Variants in PHEX observed in about 807,000 individuals in gnomAD.
PHEX encodes phosphate-regulating neutral endopeptidase PHEX.
PHEX carries 16 observed loss-of-function variants against 68.0 expected under a neutral mutation model. That is an observed-to-expected ratio of 0.24 (90% CI 0.16 to 0.36). PHEX has a LOEUF of 0.36. PHEX is among the 10% of genes least tolerant of loss of function. The probability of loss-of-function intolerance (pLI) is 1.00; values close to 1 mark genes in which losing one functional copy is unlikely to be tolerated. For missense variants in PHEX, 480 were observed against 575.5 expected, an observed-to-expected ratio of 0.83 and a Z score of 1.70; for synonymous variants, 208 against 205.1, an observed-to-expected ratio of 1.01 and a Z score of -0.12.
chrX:22,055,460 A>C (rs1258173991), intron 3 of PHEX, among the ~76,000 whole-genome samples: 1 of 111,257 alleles, frequency 9.0e-6, no homozygotes, highest in Non-Finnish European at 1.9e-5. Flanking sequence ...TATCTCTAGG[A>C]TATGTTCTCT....
At chrX:22,233,855 C>T (rs1323082039) in intron 20 of PHEX, among the ~76,000 whole-genome samples, 1 of 111,927 alleles carries the variant, frequency 8.9e-6, no homozygotes, top group Non-Finnish European at 1.9e-5. Flanking sequence ...TGTTCCCTTG[C>T]TGGCGAGGTG....
At chrX:22,108,865 C>T (rs1416060346) in intron 9 of PHEX, among the ~76,000 whole-genome samples, 1 of 107,437 alleles carries the variant, frequency 9.3e-6, no homozygotes, top group East Asian at 2.9e-4. Context: ...TTGCTTGAAC[C>T]TAGGAGGCAG....
At chrX:22,224,840 T>TAA (rs1192119380) in intron 18 of PHEX, among the ~76,000 whole-genome samples, 1 of 86,402 alleles carries the variant, frequency 1.2e-5, no homozygotes, top group African/African-American at 4.5e-5. Flanking sequence ...AGCTTAAAAG[T>TAA]AAAGTGTTGG....
rs747239358 is a variant in PHEX at position 22,050,376 on chromosome X, G to C, written c.349+3165G>C. Among the ~76,000 whole-genome samples the C allele has an allele frequency of 8.1e-5, 9 of 110,783 alleles. No individual in the cohort carries two copies. In the East Asian group the frequency reaches 1.7e-3, roughly 21 times the overall value. On this transcript the variant is annotated intron_variant, in intron 3 of 21. Transcript: ENST00000379374. ...GTGGATCACCTTCAGGTCAGAATTT[G>C]AGACCAGCCTGGCCAACATGGTGAA...
intron 13 of PHEX, chrX:22,171,649 T>C (rs1933535983): frequency 9.1e-6 from 1 of 110,307 alleles, no homozygotes; most frequent in Non-Finnish European, 1.9e-5. Context: ...ATATCACTGA[T>C]AGAGAAAATG....
chrX:22,128,523 A>G (rs1450124980), intron 11 of PHEX, among the ~76,000 whole-genome samples: 2 of 111,124 alleles, frequency 1.8e-5, no homozygotes, highest in African/African-American at 6.5e-5. Flanking sequence ...ACTCCATAAA[A>G]ATACCTCAAA....
rs183338959 is a variant in PHEX, at chrX:22,097,130, C to T, written c.933+92C>T. On this transcript the variant is annotated intron_variant, in intron 8 of 21. Coordinates refer to ENST00000379374, the MANE Select transcript of PHEX (RefSeq NM_000444.6). ...CTGTGTAAATTTGTGTCTTGTAAAA[C>T]CTGCTCTCAGTCTTGGTTATCATCA... 3.0e-4 allele frequency: 193 copies of T among 644,211 alleles called. No homozygotes were observed. The African/African-American group carries it at 3.7e-3, about 12-fold the overall frequency. The allele number at this position is 644,211 out of a possible 1,213,427, so 53.1% of individuals were successfully genotyped here.
At chrX:22,184,986 G>A (rs780132421) in intron 14 of PHEX, among the ~76,000 whole-genome samples, 1 of 112,089 alleles carries the variant, frequency 8.9e-6, no homozygotes, top group East Asian at 2.8e-4. Flanking sequence ...ATCTGTAGGA[G>A]TTGATAAGAA....
At chrX:22,153,189 A>G (rs1179516813) in intron 12 of PHEX, among the ~76,000 whole-genome samples, 1 of 110,941 alleles carries the variant, frequency 9.0e-6, no homozygotes, top group Admixed American at 9.6e-5. Flanking sequence ...GTGTCTCCCT[A>G]TGTTGCCCAG....
intron 15 of PHEX, among the ~76,000 whole-genome samples, chrX:22,191,629 T>A (rs1188243332): frequency 8.9e-6 from 1 of 112,212 alleles, no homozygotes; most frequent in African/African-American, 3.2e-5. Flanking sequence ...GGTCTATTGA[T>A]CAAACTTTGG....
intron 3 of PHEX, among the ~76,000 whole-genome samples, chrX:22,072,319 G>A (rs931721871): frequency 9.9e-5 from 11 of 111,459 alleles, no homozygotes; most frequent in Admixed American, 3.8e-4. Flanking sequence ...GCTGAGGTAG[G>A]AGAATCGCGT....
At chrX:22,140,075 A>G (rs1932393262) in intron 12 of PHEX, among the ~76,000 whole-genome samples, 1 of 111,362 alleles carries the variant, frequency 9.0e-6, no homozygotes, top group African/African-American at 3.3e-5. Flanking sequence ...CATTTCTGAC[A>G]AGTTCTCAGG....
At chrX:22,156,228 G>C (rs1236555960) in intron 12 of PHEX, among the ~76,000 whole-genome samples, 1 of 110,841 alleles carries the variant, frequency 9.0e-6, no homozygotes, top group Non-Finnish European at 1.9e-5. Flanking sequence ...GGTGGGAAAT[G>C]ACTGAGAAAT....
At chrX:22,132,591 A>C (rs1230809765) in intron 11 of PHEX, among the ~76,000 whole-genome samples, 1 of 111,746 alleles carries the variant, frequency 8.9e-6, no homozygotes, top group Admixed American at 9.5e-5. Context: ...TTGGGGTGCT[A>C]AGTCTCCCTG....
chrX:22,119,127 G>A (rs1320773037), intron 11 of PHEX, among the ~76,000 whole-genome samples: 1 of 111,222 alleles, frequency 9.0e-6, no homozygotes, highest in Admixed American at 9.5e-5. Flanking sequence ...CGTGATCTCG[G>A]CTCACTGCCA....
At chrX:22,239,884 C>G (rs1427182412) in intron 20 of PHEX, among the ~76,000 whole-genome samples, 2 of 111,212 alleles carry the variant, frequency 1.8e-5, no homozygotes, top group Non-Finnish European at 3.8e-5. Context: ...TCAGGAAATA[C>G]AGAGAACACC....
At chrX:22,180,711 AG>A (rs954181484) in intron 14 of PHEX, among the ~76,000 whole-genome samples, 6 of 111,918 alleles carry the variant, frequency 5.4e-5, no homozygotes, top group Non-Finnish European at 1.1e-4. Context: ...GCTATCAAAT[AG>A]ATCTTATTCA....
intron 3 of PHEX, among the ~76,000 whole-genome samples, chrX:22,068,361 C>G (rs770572308): frequency 9.0e-6 from 1 of 111,716 alleles, no homozygotes; most frequent in Non-Finnish European, 1.9e-5. Flanking sequence ...AGACATTGCA[C>G]CACTGCAAAA....
intron 3 of PHEX, among the ~76,000 whole-genome samples, chrX:22,064,241 C>T (rs1928501063): frequency 9.0e-6 from 1 of 111,670 alleles, no homozygotes; most frequent in African/African-American, 3.3e-5. Flanking sequence ...TATTTAGTCA[C>T]TAGACACTAA....
Sources: gnomAD v4.1 joint callset for allele counts (sites outside exome capture counted in the v4.1 genomes callset) on GRCh38, gnomAD v4.1.1 for gene constraint, MANE v1.5 for transcripts, NCBI Gene and HGNC (gene_info 2026-07-23, HGNC 2026-07-21) for gene names.